SPACA9: variants seen among roughly 807,000 people sequenced by gnomAD.
SPACA9 encodes the protein sperm acrosome-associated protein 9.
A neutral mutation model predicts 12.5 loss-of-function variants in SPACA9; 14 were observed. That is an observed-to-expected ratio of 1.12 (90% CI 0.74 to 1.75). SPACA9 has a LOEUF of 1.75. SPACA9 is among the 40% of genes most tolerant of loss of function. The pLI is 0.00. For synonymous variants in SPACA9, 111 were observed against 114.1 expected (o/e 0.97, Z 0.17); for missense variants, 292 against 291.9 (o/e 1.00, Z 0.00).
chr9:132,881,272 G>GAAAAAAAAAAA (rs776094730), intron 1 of SPACA9, among the ~76,000 whole-genome samples: 2 of 80,172 alleles, frequency 2.5e-5, no homozygotes, highest in Non-Finnish European at 2.1e-5. Context: ...CAAAAAAAAA[G>GAAAAAAAAAAA]AAAAAAAAAA....
intron 1 of SPACA9, among the ~76,000 whole-genome samples, chr9:132,882,340 G>A (rs577461541): frequency 1.3e-5 from 2 of 152,244 alleles, no homozygotes; most frequent in South Asian, 4.1e-4. Context: ...TCCTCCAAGT[G>A]CTCTGATGTA....
At position 132,889,841 on chromosome 9, in the gene SPACA9, G is replaced by T. The variant is rs1199084625; in HGVS notation, c.*1230G>T. 1.5e-6 allele frequency: 2 copies of T among 1,351,892 alleles called. No individual in the cohort carries two copies. Among genetic ancestry groups the T allele is most frequent in the Admixed American group, 2.8e-5 (1 of 35,132 alleles). 83.7% of individuals were successfully genotyped at this position (1,351,892 alleles called of 1,614,324 possible). A position where few individuals can be genotyped will look rare whatever the true frequency, so the allele number is the denominator to read the frequency against. ...AGAATTCTGATTTTGTGGCTCCTGA[G>T]CAAGGGCGATGACCTGGTTTTCACA... On this transcript the variant is annotated 3_prime_UTR_variant, in exon 4 of 4. Transcript: ENST00000356311.
chr9:132,888,495 GCCATAGGGACCCAGC>G lies in SPACA9; in HGVS notation c.557_571del (p.Ile186_Pro190del). On this transcript the variant is annotated inframe_deletion, in exon 4 of 4. Transcript: ENST00000356311. This position sits in a 1 kb window ranked among gnomAD's most constrained non-coding sequence, Gnocchi z 5.0. ...CAGGGGAGCCGCTCGTCCTGCCCAGGCCATAGGGACCCAGCCCAGGGCCACTAAACACAAGTGTAG... is the reference window on the plus strand; with the variant it reads ...CAGGGGAGCCGCTCGTCCTGCCCAGGCCAGGGCCACTAAACACAAGTGTAG... 1 of 1,601,720 alleles carries G rather than the reference GCCATAGGGACCCAGC, an allele frequency of 6.2e-7. No homozygotes were observed. Among genetic ancestry groups the G allele is most frequent in the East Asian group, 2.3e-5 (1 of 43,780 alleles).
chr9:132,889,100 C>G lies in SPACA9; in HGVS notation c.*489C>G. ...GCTTTAACTTCTAACATTTCCACTT[C>G]TAAGCATCAGGCTCCGTGCTGATGA... On this transcript the variant is annotated 3_prime_UTR_variant, in exon 4 of 4. Transcript: ENST00000356311. 1 of 994,124 alleles carries G rather than the reference C, an allele frequency of 1.0e-6. No homozygotes were observed. The highest frequency in any genetic ancestry group is 1.2e-6 in the Non-Finnish European group (1 of 834,548). 61.6% of individuals were successfully genotyped at this position (994,124 alleles called of 1,614,324 possible).
Position 132,887,340 on chromosome 9 carries a change from C to A in SPACA9, c.145-29C>A. 6.2e-7 allele frequency: 1 copy of A among 1,602,580 alleles called. No individual in the cohort carries two copies. Among genetic ancestry groups the A allele is most frequent in the South Asian group, 1.1e-5 (1 of 90,862 alleles). ...CAGCCAGGACCCGGGTTGGCATGTC[C>A]CCAGCTCATGTGGCGGCGGCCCTTG... is the stretch of plus-strand genomic sequence containing the variant. On this transcript the variant is annotated intron_variant, in intron 2 of 3. Coordinates refer to ENST00000356311, the MANE Select transcript of SPACA9 (RefSeq NM_001316897.2). This position sits in a 1 kb window ranked among gnomAD's most constrained non-coding sequence, Gnocchi z 5.4.
At chr9:132,880,931 T>C (rs1294864220) in intron 1 of SPACA9, among the ~76,000 whole-genome samples, 1 of 151,330 alleles carries the variant, frequency 6.6e-6, no homozygotes, top group Non-Finnish European at 1.5e-5. Context: ...CACGCCATTC[T>C]CCTGCCTCAG....
Position 132,883,989 on chromosome 9 carries a change from G to A in SPACA9, c.42G>A (p.Lys14=). Residue 14 remains lysine (K), a synonymous_variant, in exon 2 of 4, where the codon AAG becomes AAA. Transcript: ENST00000356311. ...AATCCCTTCGCAGCATCGAGCAGAA[G>A]TACAAGCTCTTCCAGCAGCAGCAGC... ...VKESLRSIEQ[K]YKLFQQQQLT... is the part of the protein sequence containing the mutation. The A allele has an allele frequency of 6.2e-7, 1 of 1,614,236 alleles. No individual in the cohort carries two copies. Among genetic ancestry groups the A allele is most frequent in the African/African-American group, 1.3e-5 (1 of 75,058 alleles).
chr9:132,884,272 TAAC>T (rs2131486969), intron 2 of SPACA9, among the ~76,000 whole-genome samples, 181 bp downstream of exon 2: 1 of 152,292 alleles, frequency 6.6e-6, no homozygotes, highest in East Asian at 1.9e-4. Flanking sequence ...TGTAAGTGAA[TAAC>T]AACAAGTGAA....
upstream of SPACA9, chr9:132,878,644 T>C (rs1844272080): frequency 3.9e-6 from 4 of 1,026,060 alleles, no homozygotes; most frequent in African/African-American, 5.1e-5. The surrounding 1 kb of genome is among the most constrained non-coding windows in gnomAD (Gnocchi z 4.7). Context: ...GTGCCTCAGT[T>C]TACCCATCTT....
intron 1 of SPACA9, among the ~76,000 whole-genome samples, chr9:132,881,273 A>AG (rs67332406): frequency 1.6e-5 from 1 of 62,470 alleles, no homozygotes; most frequent in African/African-American, 3.4e-5. Flanking sequence ...AAAAAAAAAG[A>AG]AAAAAAAAAA....
At position 132,889,472 on chromosome 9, in the gene SPACA9, T is replaced by C; in HGVS notation, c.*861T>C. 1 of 936,030 alleles carries C rather than the reference T, an allele frequency of 1.1e-6. No individual in the cohort carries two copies. The highest frequency in any genetic ancestry group is 1.3e-6 in the Non-Finnish European group (1 of 785,042). The allele number at this position is 936,030 out of a possible 1,614,324, so 58.0% of individuals were successfully genotyped here. On this transcript the variant is annotated 3_prime_UTR_variant, in exon 4 of 4. Transcript: ENST00000356311. ...CCCAGGCTGGAGTGCAGTGGCACGA[T>C]CTTGGCTCACTGCAACCTCCACCTC...
chr9:132,884,044 A>T lies in SPACA9; in HGVS notation c.97A>T (p.Arg33Trp), dbSNP rs767685966. 1.2e-6 allele frequency: 2 copies of T among 1,614,154 alleles called. No homozygotes were observed. The highest frequency in any genetic ancestry group is 3.3e-5 in the Admixed American group (2 of 60,028). Residue 33 changes from arginine to tryptophan, a missense_variant, in exon 2 of 4, where the codon AGG (arginine) becomes TGG (tryptophan). Transcript: ENST00000356311. ...CTTCACCGCCGCTCTGGAGCACTGC[A>T]GGGAGAACGCCCACGACAAGATCCG... ...LTFTAALEHC[R>W]ENAHDKIRPI...
In SPACA9 at chr9:132,879,819, G is replaced by A. The variant is rs940759990; in HGVS notation, c.-38+805G>A. On this transcript the variant is annotated intron_variant, in intron 1 of 3. Transcript: ENST00000356311. ...ATGGATAAACTGAGGCCCAGAAAAG[G>A]GGGAAATCTTGGCTAGGGCCACTGG... 2.6e-5 allele frequency among the ~76,000 whole-genome samples: 4 copies of A among 152,208 alleles called. No individual in the cohort carries two copies. In the South Asian group the frequency reaches 6.2e-4, roughly 24 times the overall value.
At position 132,888,472 on chromosome 9, in the gene SPACA9, G is replaced by A. The variant is rs1374217584; in HGVS notation, c.530G>A (p.Arg177Lys). ...CCCCAGGCGCACCAGGAGAGCACCA[G>A]GGGAGCCGCTCGTCCTGCCCAGGCC... Reference protein sequence around the residue: ...SEPQAHQESTRGAARPAQAIG... With the variant: ...SEPQAHQESTKGAARPAQAIG... Residue 177 changes from arginine (R) to lysine (K), a missense_variant, in exon 4 of 4, where the codon AGG (arginine) becomes AAG (lysine). Transcript: ENST00000356311. This position sits in a 1 kb window ranked among gnomAD's most constrained non-coding sequence, Gnocchi z 5.0. 4 of 1,611,182 alleles carry A rather than the reference G, an allele frequency of 2.5e-6. No individual in the cohort carries two copies. Among genetic ancestry groups the A allele is most frequent in the East Asian group, 2.2e-5 (1 of 44,646 alleles).
In SPACA9 at chr9:132,888,730, C is replaced by T. The variant is rs886249168; in HGVS notation, c.*119C>T. The T allele has an allele frequency of 2.1e-6, 3 of 1,442,370 alleles. No individual in the cohort carries two copies. The highest frequency in any genetic ancestry group is 1.4e-5 in the African/African-American group (1 of 69,670). 89.3% of individuals were successfully genotyped at this position (1,442,370 alleles called of 1,614,324 possible). On this transcript the variant is annotated 3_prime_UTR_variant, in exon 4 of 4. Coordinates refer to ENST00000356311, the MANE Select transcript of SPACA9 (RefSeq NM_001316897.2). The surrounding 1 kb of genome is among the most constrained non-coding windows in gnomAD (Gnocchi z 5.0). ...CACTTACTAACCCCAAGGGAATCAG[C>T]CAATATATTACTGAGACTTCCTCTC...
At chr9:132,883,747 T>C (rs1015611543) in intron 1 of SPACA9, among the ~76,000 whole-genome samples, 164 bp from the exon 2 acceptor site, 1 of 100,980 alleles carries the variant, frequency 9.9e-6, no homozygotes. Context: ...TCTGGACAAG[T>C]GTGCAGCCTC....
chr9:132,879,526 C>A (rs1238571423), intron 1 of SPACA9, among the ~76,000 whole-genome samples: 1 of 152,170 alleles, frequency 6.6e-6, no homozygotes, highest in Non-Finnish European at 1.5e-5. Flanking sequence ...GAGTAATTGG[C>A]ATGCAGTAAG....
chr9:132,887,454 A>G lies in SPACA9; in HGVS notation c.230A>G (p.Asn77Ser). The G allele has an allele frequency of 6.2e-7, 1 of 1,613,668 alleles. No homozygotes were observed. Among genetic ancestry groups the G allele is most frequent in the East Asian group, 2.2e-5 (1 of 44,880 alleles). Reference sequence around the variant, plus strand: ...TTCCTGGACATCTGTTCAGAGCTGAATAAGCTCTGCCAGCACTTTGAGGCC... The same window carrying G: ...TTCCTGGACATCTGTTCAGAGCTGAGTAAGCTCTGCCAGCACTTTGAGGCC... ...LMFLDICSEL[N>S]KLCQHFEAVH... The change falls in exon 3 of 4, where the codon AAT becomes AGT. Residue 77 changes from asparagine (N) to serine (S), a missense_variant. Physicochemically the swap from Asn to Ser is conservative, Grantham distance 46 (BLOSUM62 1). Coordinates refer to ENST00000356311, the MANE Select transcript of SPACA9 (RefSeq NM_001316897.2). The surrounding 1 kb of genome is among the most constrained non-coding windows in gnomAD (Gnocchi z 5.4).
At chr9:132,882,171 C>T (rs1844445473) in intron 1 of SPACA9, among the ~76,000 whole-genome samples, 1 of 152,218 alleles carries the variant, frequency 6.6e-6, no homozygotes, top group African/African-American at 2.4e-5. Context: ...AGTCACAGTG[C>T]TGTGGCTCTG....
Sources: gnomAD v4.1 joint callset for allele counts (sites outside exome capture counted in the v4.1 genomes callset) on GRCh38, gnomAD v4.1.1 for gene constraint, Gnocchi (gnomAD v3.1) non-coding constraint, MANE v1.5 for transcripts, NCBI Gene and HGNC (gene_info 2026-07-23, HGNC 2026-07-21) for gene names.